The following LOXHD1 variants were observed in gnomAD, a reference collection of about 807,000 sequenced individuals.
The protein encoded by LOXHD1 is lipoxygenase homology domain-containing protein 1.
In LOXHD1, 205 loss-of-function variants were observed where a neutral mutation model predicts 248.2. The ratio of observed to expected loss-of-function variants is 0.83; its 90% CI spans 0.74 to 0.93. The LOEUF is 0.93. Ranked by LOEUF, LOXHD1 falls within the 40% of genes least tolerant of loss-of-function variation. LOXHD1 has a pLI of 0.00. For missense variants in LOXHD1, 2,930 were observed against 2,971.6 expected, an observed-to-expected ratio of 0.99 and a Z score of 0.33; for synonymous variants, 1,113 against 1,162.8, an observed-to-expected ratio of 0.96 and a Z score of 0.87.
At chr18:46,568,473 C>T (rs1257141543) in intron 16 of LOXHD1, among the ~76,000 whole-genome samples, 1 of 152,164 alleles carries the variant, frequency 6.6e-6, no homozygotes, top group African/African-American at 2.4e-5. Context: ...AAGGCCACAT[C>T]CCTAGAGTGA....
intron 31 of LOXHD1, 33 bp downstream of exon 31, chr18:46,524,433 G>A (rs1598914213): frequency 6.5e-7 from 1 of 1,540,394 alleles, no homozygotes; most frequent in African/African-American, 1.4e-5. Context: ...CATGTGCCTG[G>A]CCCCCGTCCA....
chr18:46,538,256 C>T lies in LOXHD1; in HGVS notation c.3995G>A (p.Gly1332Asp), dbSNP rs1453056631. Residue 1332 changes from glycine (G) to aspartate (D), a missense_variant, in exon 26 of 41, where the codon GGC (glycine) becomes GAC (aspartate). Coordinates refer to ENST00000642948, the MANE Select transcript of LOXHD1 (RefSeq NM_001384474.1). ...CTGCTGGGTGCACACGGCATCGCAG[C>T]CATAGATGATGATGAAGATGTTGGC... ...TDANIFIIIYGCDAVCTQQKY... is the reference protein window; with the variant it reads ...TDANIFIIIYDCDAVCTQQKY... 1 of 1,551,346 alleles carries T rather than the reference C, an allele frequency of 6.4e-7. No individual in the cohort carries two copies. Among genetic ancestry groups the T allele is most frequent in the African/African-American group, 1.4e-5 (1 of 73,028 alleles).
chr18:46,513,444 T>A (rs2035080635), intron 34 of LOXHD1, among the ~76,000 whole-genome samples: 1 of 152,226 alleles, frequency 6.6e-6, no homozygotes, highest in African/African-American at 2.4e-5. Flanking sequence ...GGGGAGATTA[T>A]CCTGGATTAT....
chr18:46,499,276 AGGT>A (rs1373567010), intron 37 of LOXHD1, among the ~76,000 whole-genome samples: 1 of 152,210 alleles, frequency 6.6e-6, no homozygotes, highest in East Asian at 1.9e-4. Context: ...TTCATGGAGA[AGGT>A]GATATTAATC....
In LOXHD1 at chr18:46,483,629, T is replaced by A; in HGVS notation, c.6299A>T (p.His2100Leu). The A allele has an allele frequency of 6.4e-7, 1 of 1,551,564 alleles. No individual in the cohort carries two copies. Among genetic ancestry groups the A allele is most frequent in the Non-Finnish European group, 8.7e-7 (1 of 1,146,962 alleles). The change falls in exon 40 of 41, where the codon CAT becomes CTT. Residue 2100 changes from histidine to leucine, a missense_variant. His to Leu is a moderately conservative substitution (Grantham distance 99). Coordinates refer to ENST00000642948, the MANE Select transcript of LOXHD1 (RefSeq NM_001384474.1). ...RFIPKRELAWHVKTITITEME... is the reference protein window; with the variant it reads ...RFIPKRELAWLVKTITITEME... ...CTCGGTGATGGTGATGGTCTTGACA[T>A]GCCAGGCAAGTTCTCTCTTGGGGAT...
chr18:46,485,278 G>A, intron 38 of LOXHD1, 127 bp from the exon 39 acceptor site: 1 of 1,098,928 alleles, frequency 9.1e-7, no homozygotes, highest in Non-Finnish European at 1.3e-6. Flanking sequence ...GGTGGGGGAG[G>A]CAGGTTAAAA....
intron 17 of LOXHD1, 74 bp downstream of exon 17, chr18:46,566,183 G>T: frequency 6.9e-7 from 1 of 1,456,558 alleles, no homozygotes; most frequent in Admixed American, 2.2e-5. Context: ...TTTGCCCCAT[G>T]GTCCCTCCTC....
intron 6 of LOXHD1, among the ~76,000 whole-genome samples, chr18:46,605,442 A>C (rs1055076027): frequency 6.9e-6 from 1 of 144,746 alleles, no homozygotes; most frequent in African/African-American, 2.5e-5. Flanking sequence ...TGAACCCAGG[A>C]GGTAGAGCTT....
At chr18:46,564,946 G>A (rs1255768006) in intron 17 of LOXHD1, among the ~76,000 whole-genome samples, 1 of 152,184 alleles carries the variant, frequency 6.6e-6, no homozygotes, top group Non-Finnish European at 1.5e-5. Context: ...GCCTTGGGCA[G>A]TTGCTTTCAG....
At chr18:46,519,164 A>T (rs1018471243) in intron 33 of LOXHD1, 1 of 905,866 alleles carries the variant, frequency 1.1e-6, no homozygotes, top group Non-Finnish European at 1.3e-6. Flanking sequence ...CTTCCTTCTC[A>T]CCAAGTGCCC....
At chr18:46,637,071 G>A (rs968702131) in intron 4 of LOXHD1, among the ~76,000 whole-genome samples, 1 of 152,188 alleles carries the variant, frequency 6.6e-6, no homozygotes, top group African/African-American at 2.4e-5. Context: ...ACTTGAACCC[G>A]GGAGGTGGAG....
At chr18:46,570,450 G>T (rs1417584647) in intron 15 of LOXHD1, among the ~76,000 whole-genome samples, 1 of 152,208 alleles carries the variant, frequency 6.6e-6, no homozygotes, top group Admixed American at 6.5e-5. Context: ...TAGGCAGAAG[G>T]ATTTGGAGAA....
chr18:46,628,941 G>C lies in LOXHD1; in HGVS notation c.512-10651C>G, dbSNP rs190255904. On this transcript the variant is annotated intron_variant, in intron 4 of 40. Coordinates refer to ENST00000642948, the MANE Select transcript of LOXHD1 (RefSeq NM_001384474.1). ...ATGGCAGAGCTAGCTTTTGACCATG[G>C]AGAAGGGGAGTCCAGAGACCGAGTC... is the stretch of plus-strand genomic sequence containing the variant. Among the ~76,000 whole-genome samples the C allele has an allele frequency of 6.1e-3, 924 of 152,340 alleles. 13 individuals carry two copies. Among genetic ancestry groups the C allele is most frequent in the African/African-American group, 0.021 (891 of 41,566 alleles).
At chr18:46,647,039 T>G (rs1319635868) in intron 2 of LOXHD1, among the ~76,000 whole-genome samples, 1 of 152,232 alleles carries the variant, frequency 6.6e-6, no homozygotes, top group Non-Finnish European at 1.5e-5. Flanking sequence ...ATTGGGGCCC[T>G]GGCCAGACCT....
chr18:46,643,818 T>C (rs758229537), intron 2 of LOXHD1, among the ~76,000 whole-genome samples: 3 of 152,160 alleles, frequency 2.0e-5, no homozygotes, highest in African/African-American at 4.8e-5. Flanking sequence ...AATGAAATAC[T>C]TTGCAACCAT....
rs150029698 is a variant in LOXHD1 at position 46,596,435 on chromosome 18, T to G, written c.1135-1969A>C. ...CTACCCTGAAGCAAAAGACAATCTC[T>G]GGCACTCAGAGACCAGGAAACTAAT... On this transcript the variant is annotated intron_variant, in intron 8 of 40. Coordinates refer to ENST00000642948, the MANE Select transcript of LOXHD1 (RefSeq NM_001384474.1). Among the ~76,000 whole-genome samples the G allele has an allele frequency of 7.6e-3, 1,162 of 152,250 alleles. 16 individuals are homozygous for G. Among genetic ancestry groups the G allele is most frequent in the African/African-American group, 0.027 (1,122 of 41,530 alleles).
At chr18:46,525,975 C>T (rs1021833986) in intron 29 of LOXHD1, among the ~76,000 whole-genome samples, 3 of 152,166 alleles carry the variant, frequency 2.0e-5, no homozygotes, top group Non-Finnish European at 4.4e-5. Context: ...CAGCATTAAG[C>T]TGCAGCTGGG....
At chr18:46,481,751 C>A (rs901945143) in intron 40 of LOXHD1, among the ~76,000 whole-genome samples, 1 of 152,300 alleles carries the variant, frequency 6.6e-6, no homozygotes, top group South Asian at 2.1e-4. Flanking sequence ...CAATTAAGAG[C>A]GGCTTTTTCT....
At position 46,533,253 on chromosome 18, in the gene LOXHD1, T is replaced by A. The variant is rs2144266304; in HGVS notation, c.4284A>T (p.Arg1428=). 6.4e-7 allele frequency: 1 copy of A among 1,551,770 alleles called. No individual in the cohort carries two copies. Among genetic ancestry groups the A allele is most frequent in the East Asian group, 2.4e-5 (1 of 40,918 alleles). The part of the protein sequence containing the change: ...ATSEDDKKTI[R]ELVPYDIFTE... The stretch of plus-strand genomic sequence containing the variant: ...TGAAGATGTCATATGGAACCAGTTC[T>A]CGAATGGTCTTTTTGTCATCCTCAG... Residue 1428 remains arginine (R), a synonymous_variant, in exon 28 of 41, where the codon CGA becomes CGT. Transcript: ENST00000642948.
Sources: allele counts gnomAD v4.1 joint callset (sites outside exome capture counted in the v4.1 genomes callset), GRCh38; gene constraint gnomAD v4.1.1; transcripts MANE v1.5; gene names NCBI Gene and HGNC (gene_info 2026-07-23, HGNC 2026-07-21).